Variants in CPNE4 observed in about 807,000 individuals in gnomAD.
CPNE4 encodes copine-4.
CPNE4 carries 25 observed loss-of-function variants against 67.9 expected under a neutral mutation model. That is an observed-to-expected ratio of 0.37 (90% CI 0.27 to 0.51). The LOEUF (loss-of-function observed/expected upper bound fraction) is 0.51. CPNE4 is among the 20% of genes least tolerant of loss of function. CPNE4 has a pLI of 0.93. For missense variants in CPNE4, 464 were observed against 690.8 expected, an observed-to-expected ratio of 0.67 and a Z score of 3.68; for synonymous variants, 242 against 244.9, an observed-to-expected ratio of 0.99 and a Z score of 0.11.
chr3:131,630,699 G>T (rs2079198173), intron 7 of CPNE4, among the ~76,000 whole-genome samples: 1 of 152,218 alleles, frequency 6.6e-6, no homozygotes, highest in African/African-American at 2.4e-5. Flanking sequence ...GAATGGAACA[G>T]ATATAGAATA....
At chr3:131,995,513 ACT>A in intron 1 of CPNE4, among the ~76,000 whole-genome samples, 1 of 152,196 alleles carries the variant, frequency 6.6e-6, no homozygotes, top group Middle Eastern at 3.4e-3. Flanking sequence ...ACCTGTACTT[ACT>A]CGGCCACTAC....
At chr3:131,659,950 T>G (rs2080081998) in intron 7 of CPNE4, among the ~76,000 whole-genome samples, 1 of 152,178 alleles carries the variant, frequency 6.6e-6, no homozygotes, top group African/African-American at 2.4e-5. Flanking sequence ...GGAAGAAGGC[T>G]TTTTCTAAAT....
chr3:131,652,834 A>C (rs2079848270), intron 7 of CPNE4, among the ~76,000 whole-genome samples: 1 of 152,220 alleles, frequency 6.6e-6, no homozygotes, highest in African/African-American at 2.4e-5. Flanking sequence ...CCCAGGACTA[A>C]GTGGTTTCCT....
chr3:131,758,923 C>A (rs1009416518), intron 2 of CPNE4, among the ~76,000 whole-genome samples: 1 of 152,150 alleles, frequency 6.6e-6, no homozygotes, highest in African/African-American at 2.4e-5. Flanking sequence ...GATTCTGAGG[C>A]CTCCCCAGGC....
chr3:131,698,233 C>CATAAAAAAAA (rs2081203535), intron 4 of CPNE4, among the ~76,000 whole-genome samples: 1 of 64,450 alleles, frequency 1.6e-5, no homozygotes. Context: ...GGCTCTGTCT[C>CATAAAAAAAA]AAAAAAAAAA....
upstream of CPNE4, among the ~76,000 whole-genome samples, chr3:132,036,026 A>C (rs2074332454): frequency 2.0e-5 from 3 of 152,340 alleles, no homozygotes; most frequent in Admixed American, 6.5e-5. Flanking sequence ...AAGGAGAACC[A>C]ATAGGGTAAG....
chr3:131,875,316 C>G (rs6787895), intron 2 of CPNE4, among the ~76,000 whole-genome samples: 42,494 of 151,988 alleles, frequency 0.28, 7,253 homozygotes, highest in Non-Finnish European at 0.37. Context: ...CCCAGCCATC[C>G]CATTACTGGG....
intron 1 of CPNE4, among the ~76,000 whole-genome samples, chr3:131,936,384 G>C (rs1401134218): frequency 6.6e-6 from 1 of 152,072 alleles, no homozygotes; most frequent in African/African-American, 2.4e-5. Flanking sequence ...GGGGTGGGCA[G>C]AGCTGGTAGC....
intron 10 of CPNE4, among the ~76,000 whole-genome samples, chr3:131,571,410 T>TAA (rs564767496): frequency 1.8e-4 from 27 of 152,192 alleles, no homozygotes; most frequent in Admixed American, 9.2e-4. Context: ...TCCATATTTA[T>TAA]AAGTACCATC....
chr3:131,778,022 G>T (rs1431459727), intron 2 of CPNE4, among the ~76,000 whole-genome samples: 1 of 152,056 alleles, frequency 6.6e-6, no homozygotes, highest in African/African-American at 2.4e-5. Context: ...TTTGCTCCCT[G>T]GTGACTGTAT....
intron 2 of CPNE4, among the ~76,000 whole-genome samples, chr3:131,766,614 G>A (rs1414016147): frequency 1.3e-5 from 2 of 152,028 alleles, no homozygotes; most frequent in African/African-American, 2.4e-5. Flanking sequence ...ACTAGGAAGA[G>A]GATTAAATAT....
chr3:131,734,055 A>G (rs1423356091), intron 2 of CPNE4, among the ~76,000 whole-genome samples: 2 of 151,720 alleles, frequency 1.3e-5, no homozygotes, highest in Non-Finnish European at 1.5e-5. Flanking sequence ...TCGGGTTCCA[A>G]CTCCCTCTCC....
chr3:131,739,344 C>T (rs1011232202), intron 2 of CPNE4, among the ~76,000 whole-genome samples: 1 of 152,220 alleles, frequency 6.6e-6, no homozygotes, highest in Non-Finnish European at 1.5e-5. Flanking sequence ...CACCTGCCTA[C>T]CCTGCCTTGT....
intron 2 of CPNE4, among the ~76,000 whole-genome samples, chr3:131,799,080 A>G (rs953352601): frequency 3.9e-5 from 6 of 152,140 alleles, no homozygotes; most frequent in Non-Finnish European, 8.8e-5. Flanking sequence ...GTATTTACTC[A>G]CTTTGTGGAG....
chr3:131,846,166 T>C (rs1333383880), intron 2 of CPNE4, among the ~76,000 whole-genome samples: 1 of 152,166 alleles, frequency 6.6e-6, no homozygotes, highest in Non-Finnish European at 1.5e-5. Context: ...AAAAATATAG[T>C]AGTTAGCTCA....
intron 2 of CPNE4, among the ~76,000 whole-genome samples, chr3:131,763,955 AG>A (rs1478979639): frequency 6.6e-6 from 1 of 152,104 alleles, no homozygotes; most frequent in Non-Finnish European, 1.5e-5. Context: ...CCTATGTGCC[AG>A]GGTCTCTAAG....
At chr3:131,767,166 CTCTT>C (rs1373759335) in intron 2 of CPNE4, among the ~76,000 whole-genome samples, 1 of 152,090 alleles carries the variant, frequency 6.6e-6, no homozygotes, top group Non-Finnish European at 1.5e-5. Context: ...TTCTCTCTCT[CTCTT>C]TGACTTTGAT....
Position 131,801,452 on chromosome 3 carries a change from G to GTGTGTGTGTA in CPNE4, c.181-77828_181-77827insTACACACACA, listed in dbSNP as rs761978890. On this transcript the variant is annotated intron_variant, in intron 2 of 15. Coordinates refer to ENST00000429747, the MANE Select transcript of CPNE4 (RefSeq NM_130808.3). ...TGTGTGTGTGTGTGTGTGTGTGTGT[G>GTGTGTGTGTA]TATATATATATATATATATATATAT... is the stretch of plus-strand genomic sequence containing the variant. Among the ~76,000 whole-genome samples the GTGTGTGTGTA allele has an allele frequency of 2.1e-3, 114 of 53,328 alleles. 2 individuals carry two copies. Among genetic ancestry groups the GTGTGTGTGTA allele is most frequent in the African/African-American group, 7.3e-3 (93 of 12,742 alleles). The allele number at this position is 53,328 out of a possible 152,430, so 35.0% of individuals were successfully genotyped here.
At chr3:131,729,535 A>T (rs1299675377) in intron 2 of CPNE4, among the ~76,000 whole-genome samples, 1 of 152,212 alleles carries the variant, frequency 6.6e-6, no homozygotes, top group Non-Finnish European at 1.5e-5. Flanking sequence ...CTTGTTCTGT[A>T]GCTGCAACAA....
Sources: allele counts gnomAD v4.1 joint callset (sites outside exome capture counted in the v4.1 genomes callset), GRCh38; gene constraint gnomAD v4.1.1; transcripts MANE v1.5; gene names NCBI Gene and HGNC (gene_info 2026-07-23, HGNC 2026-07-21).